CPEB3: variants seen among roughly 807,000 people sequenced by gnomAD.
CPEB3 encodes cytoplasmic polyadenylation element-binding protein 3.
Under a neutral mutation model 67.2 loss-of-function variants are expected in CPEB3, and 20 were observed. The ratio of observed to expected loss-of-function variants is 0.30; its 90% CI spans 0.21 to 0.43. CPEB3 has a LOEUF of 0.43. Among genes scored for constraint, CPEB3 ranks in the 20% least tolerant of loss-of-function variants. The pLI is 1.00. For missense variants in CPEB3, 746 were observed against 968.6 expected (o/e 0.77, Z 3.05); for synonymous variants, 376 against 393.1 (o/e 0.96, Z 0.51).
At chr10:92,197,030 A>T (rs1374979305) in intron 2 of CPEB3, among the ~76,000 whole-genome samples, 2 of 152,130 alleles carry the variant, frequency 1.3e-5, no homozygotes, top group African/African-American at 4.8e-5. Flanking sequence ...CTACCATAAT[A>T]TTAGGGAGAA....
At chr10:92,258,935 G>A (rs986993878) in intron 1 of CPEB3, among the ~76,000 whole-genome samples, 6 of 151,136 alleles carry the variant, frequency 4.0e-5, no homozygotes, top group African/African-American at 9.7e-5. Context: ...TGGGATTACA[G>A]GCACGAGCCA....
chr10:92,151,454 A>G (rs755850041), intron 4 of CPEB3, among the ~76,000 whole-genome samples: 1 of 152,224 alleles, frequency 6.6e-6, no homozygotes, highest in Non-Finnish European at 1.5e-5. Context: ...CCTAGTGTCC[A>G]GTAGGTGACT....
chr10:92,170,102 C>T (rs1017629077), intron 4 of CPEB3, among the ~76,000 whole-genome samples: 3 of 152,170 alleles, frequency 2.0e-5, no homozygotes, highest in African/African-American at 7.2e-5. Flanking sequence ...ACCTGCATGC[C>T]TTGACATCTA....
At chr10:92,065,990 G>A (rs1045028484) in intron 9 of CPEB3, among the ~76,000 whole-genome samples, 1 of 151,950 alleles carries the variant, frequency 6.6e-6, no homozygotes, top group Admixed American at 6.6e-5. Flanking sequence ...CCAGCTACTC[G>A]GGAGGCTGAG....
chr10:92,255,191 G>T (rs1412468669), intron 1 of CPEB3, among the ~76,000 whole-genome samples: 1 of 151,940 alleles, frequency 6.6e-6, no homozygotes, highest in African/African-American at 2.4e-5. Flanking sequence ...CTCCTTCTGT[G>T]GTCTAGAACC....
chr10:92,244,859 G>T (rs891047004), intron 1 of CPEB3, among the ~76,000 whole-genome samples: 1 of 152,180 alleles, frequency 6.6e-6, no homozygotes, highest in Non-Finnish European at 1.5e-5. Flanking sequence ...GAAAGCAATA[G>T]TTCAAGAACC....
chr10:92,185,573 T>C (rs1848649777), intron 3 of CPEB3, among the ~76,000 whole-genome samples: 1 of 152,338 alleles, frequency 6.6e-6, no homozygotes, highest in East Asian at 1.9e-4. Context: ...TTTTCATTAA[T>C]TCATAATTGA....
intron 9 of CPEB3, among the ~76,000 whole-genome samples, chr10:92,065,865 G>C (rs1009749095): frequency 6.6e-6 from 1 of 151,854 alleles, no homozygotes; most frequent in Non-Finnish European, 1.5e-5. Context: ...AGGCTGAGGC[G>C]CAGAGATCAT....
At chr10:92,206,046 T>C (rs1283739315) in intron 2 of CPEB3, among the ~76,000 whole-genome samples, 4 of 151,940 alleles carry the variant, frequency 2.6e-5, no homozygotes. Context: ...TAGGGTACTT[T>C]AAATGTCATA....
chr10:92,109,894 GTTCT>G (rs1844650607), intron 7 of CPEB3, among the ~76,000 whole-genome samples: 1 of 152,162 alleles, frequency 6.6e-6, no homozygotes, highest in Admixed American at 6.5e-5. Flanking sequence ...ATATAGCTGA[GTTCT>G]AATCTTGCTC....
At chr10:92,216,559 A>C (rs1265112235) in intron 2 of CPEB3, 6 of 1,612,170 alleles carry the variant, frequency 3.7e-6, no homozygotes, top group Non-Finnish European at 5.1e-6. Flanking sequence ...AAGGAGAAAA[A>C]GGGATCATGG....
chr10:92,119,079 G>T, intron 6 of CPEB3: 1 of 1,582,068 alleles, frequency 6.3e-7, no homozygotes. Context: ...CTAGGAAAAG[G>T]CCTGAAGATT....
chr10:92,197,537 T>C (rs1483845328), intron 2 of CPEB3, among the ~76,000 whole-genome samples: 2 of 152,174 alleles, frequency 1.3e-5, no homozygotes, highest in Non-Finnish European at 2.9e-5. Flanking sequence ...TCATTATTTG[T>C]TTTTACAAGC....
intron 9 of CPEB3, among the ~76,000 whole-genome samples, chr10:92,069,825 T>A (rs772156676): frequency 6.6e-6 from 1 of 152,216 alleles, no homozygotes; most frequent in Non-Finnish European, 1.5e-5. Flanking sequence ...TATACTGATT[T>A]CAACAACGAT....
chr10:92,095,601 T>TATATATATATATATATATATATATA (rs1491405800), intron 7 of CPEB3, among the ~76,000 whole-genome samples: 53 of 87,636 alleles, frequency 6.0e-4, no homozygotes, highest in African/African-American at 1.7e-3. Flanking sequence ...TATATATATA[T>TATATATATATATATATATATATATA]TTTTTTTTTT....
chr10:92,131,073 T>C (rs1389832626), intron 6 of CPEB3, among the ~76,000 whole-genome samples: 1 of 152,192 alleles, frequency 6.6e-6, no homozygotes, highest in Admixed American at 6.6e-5. Context: ...CTTCAGACTT[T>C]AGCTGAGAGC....
chr10:92,099,990 C>G (rs1293965316), intron 7 of CPEB3, among the ~76,000 whole-genome samples: 1 of 152,042 alleles, frequency 6.6e-6, no homozygotes, highest in Non-Finnish European at 1.5e-5. Flanking sequence ...ATAGTGAGAC[C>G]CTGTCTCTAT....
At chr10:92,271,020 T>C (rs1334138434) in intron 1 of CPEB3, among the ~76,000 whole-genome samples, 2 of 152,012 alleles carry the variant, frequency 1.3e-5, no homozygotes, top group Non-Finnish European at 2.9e-5. Flanking sequence ...CTACTAAAAA[T>C]ACAAAAATTA....
chr10:92,165,287 G>A (rs1002191867), intron 4 of CPEB3, among the ~76,000 whole-genome samples: 1 of 151,952 alleles, frequency 6.6e-6, no homozygotes. Context: ...ACTCCAGCCT[G>A]GGTGACACAG....
Sources: gnomAD v4.1 joint callset for allele counts (sites outside exome capture counted in the v4.1 genomes callset) on GRCh38, gnomAD v4.1.1 for gene constraint, MANE v1.5 for transcripts, NCBI Gene and HGNC (gene_info 2026-07-23, HGNC 2026-07-21) for gene names.